ADAMTSL1: variants seen among roughly 807,000 people sequenced by gnomAD.
The protein encoded by ADAMTSL1 is ADAMTS-like protein 1.
Under a neutral mutation model 201.8 loss-of-function variants are expected in ADAMTSL1, and 126 were observed. That is an observed-to-expected ratio of 0.62 (90% CI 0.54 to 0.72). The LOEUF (loss-of-function observed/expected upper bound fraction) is 0.72. Among genes scored for constraint, ADAMTSL1 ranks in the 30% least tolerant of loss-of-function variants. The pLI is 0.00. For synonymous variants in ADAMTSL1, 1,121 were observed against 903.4 expected, an observed-to-expected ratio of 1.24 and a Z score of -4.32; for missense variants, 2,679 against 2,277.8, an observed-to-expected ratio of 1.18 and a Z score of -3.59.
chr9:18,304,340 G>GA (rs149548573), intron 2 of ADAMTSL1, among the ~76,000 whole-genome samples: 106 of 148,032 alleles, frequency 7.2e-4, no homozygotes, highest in South Asian at 1.1e-3. Flanking sequence ...ATAGAGTTTT[G>GA]AAAAAAAAAA....
At chr9:18,630,722 T>C (rs1197592902) in intron 5 of ADAMTSL1, among the ~76,000 whole-genome samples, 1 of 152,188 alleles carries the variant, frequency 6.6e-6, no homozygotes, top group African/African-American at 2.4e-5. Flanking sequence ...TTTTTGATTG[T>C]TTTAGACAGA....
At chr9:18,319,018 G>A (rs938782017) in intron 2 of ADAMTSL1, among the ~76,000 whole-genome samples, 4 of 152,136 alleles carry the variant, frequency 2.6e-5, no homozygotes, top group African/African-American at 9.7e-5. Context: ...AGACTAGCCT[G>A]GGCAATATAG....
At chr9:18,528,532 T>G (rs1013878887) in intron 2 of ADAMTSL1, among the ~76,000 whole-genome samples, 2 of 152,174 alleles carry the variant, frequency 1.3e-5, no homozygotes, top group African/African-American at 4.8e-5. Flanking sequence ...GCAAGGGGCA[T>G]GATCTTGTTC....
intron 2 of ADAMTSL1, among the ~76,000 whole-genome samples, chr9:18,390,622 C>A (rs1838004542): frequency 1.3e-5 from 2 of 152,190 alleles, no homozygotes; most frequent in African/African-American, 2.4e-5. Context: ...TGTGCTGGGT[C>A]TGGCCAAAAT....
At chr9:18,190,821 A>T (rs1298158632) in intron 2 of ADAMTSL1, among the ~76,000 whole-genome samples, 1 of 152,174 alleles carries the variant, frequency 6.6e-6, no homozygotes, top group Non-Finnish European at 1.5e-5. Context: ...TTCCATGACA[A>T]GACTGGAAAG....
chr9:18,867,283 T>C (rs971964053), intron 23 of ADAMTSL1, among the ~76,000 whole-genome samples: 11 of 152,230 alleles, frequency 7.2e-5, no homozygotes, highest in Admixed American at 1.3e-4. Flanking sequence ...AATTTTTAAG[T>C]TGGACAGATT....
chr9:18,787,700 C>A (rs1481595309), intron 19 of ADAMTSL1, among the ~76,000 whole-genome samples: 1 of 152,152 alleles, frequency 6.6e-6, no homozygotes, highest in African/African-American at 2.4e-5. Flanking sequence ...ACTGACTATA[C>A]TCAACTCTGT....
intron 14 of ADAMTSL1, 144 bp downstream of exon 14, chr9:18,707,192 AC>A: frequency 6.5e-6 from 7 of 1,083,990 alleles, no homozygotes; most frequent in Non-Finnish European, 9.0e-6. Context: ...AATGTAAAGC[AC>A]ACTGAATCAA....
chr9:18,782,827 A>T (rs1821476502), intron 19 of ADAMTSL1, among the ~76,000 whole-genome samples: 1 of 152,210 alleles, frequency 6.6e-6, no homozygotes, highest in African/African-American at 2.4e-5. Flanking sequence ...AGGCAGTGCG[A>T]AAACCCTAAA....
At chr9:18,724,409 A>C (rs1817742047) in intron 15 of ADAMTSL1, among the ~76,000 whole-genome samples, 1 of 152,234 alleles carries the variant, frequency 6.6e-6, no homozygotes, top group African/African-American at 2.4e-5. Context: ...TTGTTTCAGA[A>C]GCACATGTCT....
At chr9:18,340,736 C>T (rs1203791735) in intron 2 of ADAMTSL1, among the ~76,000 whole-genome samples, 1 of 152,130 alleles carries the variant, frequency 6.6e-6, no homozygotes, top group African/African-American at 2.4e-5. Context: ...CCTGCACATG[C>T]TCTCTCTTGC....
At chr9:18,632,316 TTTAA>T (rs1826834684) in intron 5 of ADAMTSL1, among the ~76,000 whole-genome samples, 1 of 152,240 alleles carries the variant, frequency 6.6e-6, no homozygotes. Flanking sequence ...AAATGAAATT[TTTAA>T]TTGTTTTCCC....
intron 2 of ADAMTSL1, among the ~76,000 whole-genome samples, chr9:18,191,884 G>C (rs1444285985): frequency 2.0e-5 from 3 of 152,070 alleles, no homozygotes; most frequent in Non-Finnish European, 2.9e-5. Flanking sequence ...CTTTGAAAAA[G>C]AGAGTAATAA....
At chr9:18,647,807 G>A (rs199672699) in intron 7 of ADAMTSL1, among the ~76,000 whole-genome samples, 1 of 151,578 alleles carries the variant, frequency 6.6e-6, no homozygotes, top group Non-Finnish European at 1.5e-5. Flanking sequence ...TTACTTCCAA[G>A]TATGTGGTCA....
chr9:18,550,324 TA>T (rs374359393), intron 3 of ADAMTSL1, among the ~76,000 whole-genome samples: 113 of 152,028 alleles, frequency 7.4e-4, no homozygotes, highest in African/African-American at 2.6e-3. Flanking sequence ...GAGCCTCATC[TA>T]ATCACACAGA....
intron 27 of ADAMTSL1, among the ~76,000 whole-genome samples, chr9:18,906,336 A>T (rs142081434): frequency 1.2e-3 from 190 of 152,130 alleles, no homozygotes; most frequent in Non-Finnish European, 2.2e-3. Context: ...CATCCTTATG[A>T]CACTTCCTTA....
chr9:18,875,147 C>G (rs1828073394), intron 23 of ADAMTSL1, among the ~76,000 whole-genome samples: 1 of 152,108 alleles, frequency 6.6e-6, no homozygotes, highest in African/African-American at 2.4e-5. Context: ...TTATTTGAAT[C>G]TTCTCTCTTC....
chr9:18,301,832 A>T (rs952349041), intron 2 of ADAMTSL1, among the ~76,000 whole-genome samples: 7 of 152,164 alleles, frequency 4.6e-5, no homozygotes, highest in African/African-American at 1.7e-4. Context: ...TGTTGTCTTT[A>T]TTTCTAAGTG....
At chr9:18,538,438 G>C (rs1819929610) in intron 3 of ADAMTSL1, among the ~76,000 whole-genome samples, 1 of 152,008 alleles carries the variant, frequency 6.6e-6, no homozygotes, top group Non-Finnish European at 1.5e-5. Flanking sequence ...TGAAATGAAT[G>C]ACCTCAAAGG....
Sources: gnomAD v4.1 joint callset for allele counts (sites outside exome capture counted in the v4.1 genomes callset) on GRCh38, gnomAD v4.1.1 for gene constraint, MANE v1.5 for transcripts, NCBI Gene and HGNC (gene_info 2026-07-23, HGNC 2026-07-21) for gene names.